Variants in ZNF518A observed in about 807,000 individuals in gnomAD.
ZNF518A encodes zinc finger protein 518.
ZNF518A carries 47 observed loss-of-function variants against 102.7 expected under a neutral mutation model. The ratio of observed to expected loss-of-function variants is 0.46; its 90% CI spans 0.36 to 0.58. The LOEUF (loss-of-function observed/expected upper bound fraction) is 0.58, where lower values mean the gene tolerates loss of function less well. Ranked by LOEUF, ZNF518A falls within the 20% of genes least tolerant of loss-of-function variation. ZNF518A has a pLI of 0.00. For synonymous variants in ZNF518A, 652 were observed against 594.6 expected (o/e 1.10, Z -1.40); for missense variants, 1,793 against 1,699.8 (o/e 1.05, Z -0.96).
intron 1 of ZNF518A, among the ~76,000 whole-genome samples, chr10:96,131,474 G>GAAA (rs2081334877): frequency 6.6e-6 from 1 of 152,148 alleles, no homozygotes; most frequent in Non-Finnish European, 1.5e-5. Flanking sequence ...TTAACACTTT[G>GAAA]AGGGTGTTGG....
intron 1 of ZNF518A, among the ~76,000 whole-genome samples, chr10:96,176,768 C>T (rs2083206864): frequency 9.0e-6 from 1 of 110,562 alleles, no homozygotes; most frequent in African/African-American, 3.6e-5. Context: ...TGGTGGCAGA[C>T]ACCTGTCATC....
At position 96,158,581 on chromosome 10, in the gene ZNF518A, T is replaced by C. The variant is rs375098432; in HGVS notation, c.2259T>C (p.Phe753=). Residue 753 remains phenylalanine (F), a synonymous_variant, in exon 6 of 6, where the codon TTT becomes TTC. Coordinates refer to ENST00000316045, the MANE Select transcript of ZNF518A (RefSeq NM_001330736.2). ...CTGAAAAATCTAAATGGGAAGACTT[T>C]TCTAATGTCGATTCACCTATGATGC... ...CATEKSKWED[F]SNVDSPMMPR... is the part of the protein sequence containing the mutation. The C allele has an allele frequency of 6.2e-7, 1 of 1,613,132 alleles. No homozygotes were observed. Among genetic ancestry groups the C allele is most frequent in the African/African-American group, 1.3e-5 (1 of 74,906 alleles).
At chr10:96,184,554 C>T (rs1463750655) in intron 1 of ZNF518A, among the ~76,000 whole-genome samples, 2 of 152,138 alleles carry the variant, frequency 1.3e-5, no homozygotes, top group Non-Finnish European at 2.9e-5. Context: ...TTCTCCTTCA[C>T]TTATGAAGCT....
At chr10:96,151,132 C>T (rs587655606) in intron 3 of ZNF518A, among the ~76,000 whole-genome samples, 1 of 152,214 alleles carries the variant, frequency 6.6e-6, no homozygotes, top group East Asian at 1.9e-4. Flanking sequence ...AGATTATTTT[C>T]TCTTTTTAGA....
chr10:96,159,352 A>G lies in ZNF518A; in HGVS notation c.3030A>G (p.Lys1010=), dbSNP rs1554885945. Residue 1010 remains lysine (K), a synonymous_variant, in exon 6 of 6, where the codon AAA becomes AAG. Transcript: ENST00000316045. ...GAACTGTGACTAAGGAGCCTTGCAA[A>G]ACACCTATTTTGAAGGTAGAACCAA... The part of the protein sequence containing the change: ...ARGTVTKEPC[K]TPILKVEPNN... The G allele has an allele frequency of 6.2e-7, 1 of 1,613,792 alleles. No homozygotes were observed. Among genetic ancestry groups the G allele is most frequent in the Non-Finnish European group, 8.5e-7 (1 of 1,179,768 alleles).
chr10:96,204,017 G>C (rs963592131), exon 3 of ZNF518A: 2 of 1,578,854 alleles, frequency 1.3e-6, no homozygotes, highest in African/African-American at 1.3e-5. Flanking sequence ...ATCCAGCCTC[G>C]ACCACTCCCT....
chr10:96,203,161 C>T (rs191784249), intron 1 of ZNF518A, among the ~76,000 whole-genome samples: 37 of 152,104 alleles, frequency 2.4e-4, no homozygotes, highest in Non-Finnish European at 4.3e-4. Flanking sequence ...GCCTGGCACA[C>T]GGCATATGGT....
chr10:96,146,479 T>G (rs1380683514), intron 3 of ZNF518A, among the ~76,000 whole-genome samples: 1 of 151,858 alleles, frequency 6.6e-6, no homozygotes, highest in Non-Finnish European at 1.5e-5. Flanking sequence ...TCTTTTGCAA[T>G]CTGATTAGCA....
intron 1 of ZNF518A, among the ~76,000 whole-genome samples, chr10:96,169,229 T>G (rs2083160028): frequency 6.6e-6 from 1 of 152,220 alleles, no homozygotes; most frequent in African/African-American, 2.4e-5. Context: ...GGTCTTGAAC[T>G]CTTGGCCTCA....
At chr10:96,194,694 C>T (rs2083413512) in intron 1 of ZNF518A, among the ~76,000 whole-genome samples, 1 of 151,108 alleles carries the variant, frequency 6.6e-6, no homozygotes, top group African/African-American at 2.4e-5. Context: ...AGACATTTCT[C>T]TGAAAATGAC....
In ZNF518A at chr10:96,160,548, C is replaced by T. The variant is rs587759158; in HGVS notation, c.4226C>T (p.Thr1409Ile). 7.3e-5 allele frequency: 117 copies of T among 1,611,996 alleles called. No homozygotes were observed. The South Asian group carries it at 1.1e-3, about 16-fold the overall frequency. The change falls in exon 6 of 6, where the codon ACA becomes ATA. Residue 1409 changes from threonine (T) to isoleucine (I), a missense_variant. Around this residue, in one of 3 missense-constraint regions of ZNF518A, gnomAD observed 1,741 missense variants for 1,622.6 expected, o/e 1.07. Transcript: ENST00000316045. ...GATGATTTTTCCAAGAGGCACAAAA[C>T]ATTTAAACCTGTTAGTTCTGTGAAA... ...TYDDFSKRHK[T>I]FKPVSSVKER...
chr10:96,199,088 G>A (rs1554895411), intron 1 of ZNF518A, among the ~76,000 whole-genome samples: 1 of 152,164 alleles, frequency 6.6e-6, no homozygotes, highest in East Asian at 1.9e-4. Context: ...TTCATCAAAG[G>A]AAAGAGACAA....
At chr10:96,176,989 G>A (rs2083208551) in intron 1 of ZNF518A, among the ~76,000 whole-genome samples, 1 of 151,178 alleles carries the variant, frequency 6.6e-6, no homozygotes, top group Non-Finnish European at 1.5e-5. Context: ...GCAGTGGGAG[G>A]ATACTTGAGC....
intron 1 of ZNF518A, among the ~76,000 whole-genome samples, chr10:96,169,710 T>G (rs1282977650): frequency 6.6e-6 from 1 of 152,246 alleles, no homozygotes; most frequent in Non-Finnish European, 1.5e-5. Context: ...GGTCATACTT[T>G]GCTCTGCATG....
intron 1 of ZNF518A, among the ~76,000 whole-genome samples, chr10:96,191,512 T>C (rs1554893437): frequency 3.3e-5 from 5 of 152,218 alleles, no homozygotes; most frequent in Admixed American, 2.6e-4. Flanking sequence ...CTTACAGATA[T>C]CATACATTAC....
downstream of ZNF518A, chr10:96,204,591 G>C (rs782502321): frequency 1.2e-6 from 2 of 1,614,082 alleles, no homozygotes; most frequent in South Asian, 2.2e-5. Flanking sequence ...TTGACCCTCG[G>C]TGGCGTTCAG....
At chr10:96,149,180 A>C (rs1198055352) in intron 3 of ZNF518A, among the ~76,000 whole-genome samples, 5 of 152,218 alleles carry the variant, frequency 3.3e-5, no homozygotes, top group African/African-American at 1.2e-4. Flanking sequence ...AAAAGTTTAT[A>C]AATGTTTATT....
At chr10:96,188,991 T>G (rs2083290117) in intron 1 of ZNF518A, among the ~76,000 whole-genome samples, 1 of 152,166 alleles carries the variant, frequency 6.6e-6, no homozygotes, top group African/African-American at 2.4e-5. Flanking sequence ...GATGCATCAC[T>G]CCAGTCCCTC....
intron 1 of ZNF518A, among the ~76,000 whole-genome samples, chr10:96,194,073 G>T (rs1197360556): frequency 6.6e-6 from 1 of 152,136 alleles, no homozygotes; most frequent in East Asian, 1.9e-4. Context: ...TTCTAAAGTG[G>T]AGATGAAGAT....
Sources: allele counts gnomAD v4.1 joint callset (sites outside exome capture counted in the v4.1 genomes callset), GRCh38; gene constraint gnomAD v4.1.1; regional missense constraint gnomAD v4.1.1; transcripts MANE v1.5; gene names NCBI Gene and HGNC (gene_info 2026-07-23, HGNC 2026-07-21).